Variants in PCDH19 observed in about 807,000 individuals in gnomAD.
The protein encoded by PCDH19 is protocadherin-19.
In PCDH19, 6 loss-of-function variants were observed where a neutral mutation model predicts 46.2. The observed-to-expected ratio is 0.13, with a 90% CI of 0.07 to 0.26. The LOEUF (loss-of-function observed/expected upper bound fraction) is 0.26, where lower values mean the gene tolerates loss of function less well. Ranked by LOEUF, PCDH19 falls within the 10% of genes least tolerant of loss-of-function variation. PCDH19 has a pLI of 1.00. For synonymous variants in PCDH19, 481 were observed against 415.7 expected (o/e 1.16, Z -1.91); for missense variants, 740 against 972.3 (o/e 0.76, Z 3.18).
At chrX:100,308,128 C>T (rs1431633145) in intron 5 of PCDH19, among the ~76,000 whole-genome samples, 1 of 111,388 alleles carries the variant, frequency 9.0e-6, no homozygotes, top group Non-Finnish European at 1.9e-5. Flanking sequence ...CTTCAGATTA[C>T]CCGACTAGAA....
At chrX:100,389,916 T>C (rs1158890731) in intron 3 of PCDH19, among the ~76,000 whole-genome samples, 1 of 111,941 alleles carries the variant, frequency 8.9e-6, no homozygotes, top group East Asian at 2.8e-4. Flanking sequence ...TGGATATTTA[T>C]TTATATTTTC....
chrX:100,395,979 C>T (rs965746261), intron 3 of PCDH19, among the ~76,000 whole-genome samples: 3 of 112,383 alleles, frequency 2.7e-5, no homozygotes, highest in Non-Finnish European at 3.8e-5. Context: ...CAGCCAGTCA[C>T]GCATCAAGAA....
intron 5 of PCDH19, among the ~76,000 whole-genome samples, chrX:100,312,306 C>T (rs905398215): frequency 9.0e-6 from 1 of 111,180 alleles, no homozygotes; most frequent in African/African-American, 3.3e-5. Context: ...TAGAAATCAA[C>T]TTAAAGTAAA....
At chrX:100,402,906 G>A in intron 2 of PCDH19, 55 bp from the exon 3 acceptor site, 2 of 980,852 alleles carry the variant, frequency 2.0e-6, no homozygotes, top group East Asian at 3.1e-5. Context: ...ATCATGCACT[G>A]ATTAATAAAC....
chrX:100,408,711 C>T lies in PCDH19; in HGVS notation c.-114G>A. 1.6e-6 allele frequency: 1 copy of T among 633,787 alleles called. No homozygotes were observed. Among genetic ancestry groups the T allele is most frequent in the Non-Finnish European group, 2.3e-6 (1 of 428,361 alleles). The allele number at this position is 633,787 out of a possible 1,213,427, so 52.2% of individuals were successfully genotyped here. ...GCCTGTTGCGCGCGCCCCGTGGCCC[C>T]GGAGGCCGCGGGAGAAGTCCCGCCC... is the stretch of plus-strand genomic sequence containing the variant. On this transcript the variant is annotated 5_prime_UTR_variant, in exon 1 of 6. Transcript: ENST00000373034.
In PCDH19 at chrX:100,406,806, C is replaced by T; in HGVS notation, c.1792G>A (p.Gly598Ser). 2 of 1,211,780 alleles carry T rather than the reference C, an allele frequency of 1.7e-6. No individual in the cohort carries two copies. Among genetic ancestry groups the T allele is most frequent in the Non-Finnish European group, 2.2e-6 (2 of 895,535 alleles). The change falls in exon 1 of 6, where the codon GGC (glycine) becomes AGC (serine). Residue 598 changes from glycine (G) to serine (S), a missense_variant. Physicochemically the swap from Gly to Ser is moderately conservative, Grantham distance 56. Transcript: ENST00000373034. ...TCGTAGGTGACTCGGCCATTTTCGC[C>T]CTCATCGTAGTCTTCTGCCTTGACA... is the stretch of plus-strand genomic sequence containing the variant. ...TVVKAEDYDE[G>S]ENGRVTYDMT... is the part of the protein sequence containing the mutation.
intron 5 of PCDH19, among the ~76,000 whole-genome samples, chrX:100,319,885 T>C (rs1925422534): frequency 8.9e-6 from 1 of 112,180 alleles, no homozygotes; most frequent in African/African-American, 3.2e-5. Flanking sequence ...TGAAAATTGC[T>C]AACTATTCAG....
In PCDH19 at chrX:100,296,201, G is replaced by T; in HGVS notation, c.*76C>A. On this transcript the variant is annotated 3_prime_UTR_variant, in exon 6 of 6. Coordinates refer to ENST00000373034, the MANE Select transcript of PCDH19 (RefSeq NM_001184880.2). ...ATAGCCACTCAAGAACCAACCATTGGTGAGCAATTAAAACAAGAAGCTCCT... is the reference window on the plus strand; with the variant it reads ...ATAGCCACTCAAGAACCAACCATTGTTGAGCAATTAAAACAAGAAGCTCCT... 2 of 801,322 alleles carry T rather than the reference G, an allele frequency of 2.5e-6. No homozygotes were observed. The highest frequency in any genetic ancestry group is 3.8e-6 in the Non-Finnish European group (2 of 522,691). The allele number at this position is 801,322 out of a possible 1,213,427, so 66.0% of individuals were successfully genotyped here.
At chrX:100,333,762 C>T (rs968134321) in intron 5 of PCDH19, among the ~76,000 whole-genome samples, 7 of 101,018 alleles carry the variant, frequency 6.9e-5, no homozygotes, top group Non-Finnish European at 1.0e-4. Flanking sequence ...TTTTTGTTTT[C>T]GTTTTTTGTT....
Position 100,407,512 on chromosome X carries a change from G to T in PCDH19, c.1086C>A (p.Ala362=). 11 of 1,211,330 alleles carry T rather than the reference G, an allele frequency of 9.1e-6. No homozygotes were observed. The highest frequency in any genetic ancestry group is 1.2e-5 in the Non-Finnish European group (11 of 895,604). The change falls in exon 1 of 6, where the codon GCC becomes GCA. Residue 362 remains alanine (A), a synonymous_variant. Transcript: ENST00000373034. ...NSELVEVSES[A]PPGYVIALVR... ...CCAAGGCGATCACGTAGCCCGGGGGGGCGCTCTCGCTGACCTCCACAAGCT... is the reference window on the plus strand; with the variant it reads ...CCAAGGCGATCACGTAGCCCGGGGGTGCGCTCTCGCTGACCTCCACAAGCT...
chrX:100,340,098 G>A (rs1250373621), intron 5 of PCDH19, among the ~76,000 whole-genome samples: 2 of 111,106 alleles, frequency 1.8e-5, no homozygotes, highest in Admixed American at 1.9e-4. Context: ...GGAGACTGGT[G>A]GTCTCTACCT....
At chrX:100,358,068 A>T (rs1168001875) in intron 3 of PCDH19, among the ~76,000 whole-genome samples, 1 of 111,993 alleles carries the variant, frequency 8.9e-6, no homozygotes, top group Non-Finnish European at 1.9e-5. Flanking sequence ...CTACCTTATA[A>T]ATACACAATA....
intron 3 of PCDH19, among the ~76,000 whole-genome samples, chrX:100,362,160 C>T (rs1352290692): frequency 9.0e-6 from 1 of 111,684 alleles, no homozygotes; most frequent in African/African-American, 3.3e-5. Flanking sequence ...TTGTTCTCAG[C>T]TTCCTCCCTC....
intron 3 of PCDH19, among the ~76,000 whole-genome samples, chrX:100,376,132 G>A (rs761375670): frequency 1.1e-4 from 12 of 108,315 alleles, no homozygotes; most frequent in Non-Finnish European, 2.3e-4. Context: ...CTACTTGGGC[G>A]GCTGAGGCAG....
intron 5 of PCDH19, among the ~76,000 whole-genome samples, chrX:100,338,341 C>CAAA (rs1192568481): frequency 8.3e-5 from 3 of 35,994 alleles, no homozygotes; most frequent in African/African-American, 1.1e-4. Flanking sequence ...GACTCCGTCT[C>CAAA]AAAAAAAAAA....
At chrX:100,319,836 C>T (rs1452581719) in intron 5 of PCDH19, among the ~76,000 whole-genome samples, 1 of 111,878 alleles carries the variant, frequency 8.9e-6, no homozygotes. Context: ...AGAGGAGGAA[C>T]AGCTGTGTTC....
intron 3 of PCDH19, among the ~76,000 whole-genome samples, chrX:100,363,739 T>TATATATATATATA: frequency 1.0e-5 from 1 of 99,650 alleles, no homozygotes; most frequent in Admixed American, 1.2e-4. Flanking sequence ...TTTATATATA[T>TATATATATATATA]AAATAATATA....
rs1291763210 is a variant in PCDH19, at chrX:100,319,539, G to A, written c.2848+22364C>T. Among the ~76,000 whole-genome samples the A allele has an allele frequency of 6.3e-5, 7 of 111,857 alleles. No homozygotes were observed. In the Admixed American group the frequency reaches 6.6e-4, roughly 11 times the overall value. On this transcript the variant is annotated intron_variant, in intron 5 of 5. Coordinates refer to ENST00000373034, the MANE Select transcript of PCDH19 (RefSeq NM_001184880.2). ...AACCACATCAGGGACACCAGGCTAG[G>A]TTCTCCTCGTAGATCAGCATCTCAA...
chrX:100,296,237 T>C lies in PCDH19; in HGVS notation c.*40A>G, dbSNP rs1402415699. 42 of 1,063,691 alleles carry C rather than the reference T, an allele frequency of 3.9e-5. No homozygotes were observed. Among genetic ancestry groups the C allele is most frequent in the African/African-American group, 5.5e-5 (3 of 54,406 alleles). The allele number at this position is 1,063,691 out of a possible 1,213,427, so 87.7% of individuals were successfully genotyped here. ...AAACAAGAAGCTCCTGCTTCTTCAC[T>C]AGCCAGTGTGGTTTCTTTCTCTTCT... On this transcript the variant is annotated 3_prime_UTR_variant, in exon 6 of 6. Coordinates refer to ENST00000373034, the MANE Select transcript of PCDH19 (RefSeq NM_001184880.2).
Sources: allele counts gnomAD v4.1 joint callset (sites outside exome capture counted in the v4.1 genomes callset), GRCh38; gene constraint gnomAD v4.1.1; transcripts MANE v1.5; gene names NCBI Gene and HGNC (gene_info 2026-07-23, HGNC 2026-07-21).